Variants in TRIOBP observed in about 807,000 individuals in gnomAD.
TRIOBP encodes the protein TRIO and F-actin-binding protein.
Under a neutral mutation model 238.8 loss-of-function variants are expected in TRIOBP, and 169 were observed. The ratio of observed to expected loss-of-function variants is 0.71; its 90% confidence interval spans 0.62 to 0.80. The LOEUF (loss-of-function observed/expected upper bound fraction) is 0.80, where lower values mean the gene tolerates loss of function less well. Among genes scored for constraint, TRIOBP ranks in the 30% least tolerant of loss-of-function variants. The pLI is 0.00. For synonymous variants in TRIOBP, 1,150 were observed against 1,274.4 expected, an observed-to-expected ratio of 0.90 and a Z score of 2.08; for missense variants, 2,838 against 3,122.6, an observed-to-expected ratio of 0.91 and a Z score of 2.17.
chr22:37,726,446 GC>G lies in TRIOBP; in HGVS notation c.3892del (p.Arg1298AlafsTer58). The G allele has an allele frequency of 1.3e-6, 2 of 1,572,290 alleles. No homozygotes were observed. The highest frequency in any genetic ancestry group is 2.3e-5 in the East Asian group (1 of 43,538). On this transcript the variant is annotated frameshift_variant, in exon 7 of 24. Coordinates refer to ENST00000644935, the MANE Select transcript of TRIOBP (RefSeq NM_001039141.3). LOFTEE classifies it high-confidence loss of function. ...PGPQAQCSSG[G>X]RTHSPGRAEV... ...CCCCAGGCGCAGTGCAGCAGCGGGG[GC>G]CGCACCCACAGCCCTGGCCGTGCAG...
intron 4 of TRIOBP, among the ~76,000 whole-genome samples, chr22:37,711,709 T>C (rs181370555): frequency 1.3e-5 from 2 of 152,262 alleles, no homozygotes; most frequent in Admixed American, 6.5e-5. Context: ...ATAGCTTTCC[T>C]GCAGGACTTG....
intron 5 of TRIOBP, among the ~76,000 whole-genome samples, chr22:37,713,813 T>TTTCCAAGA (rs1435084621): frequency 6.6e-6 from 1 of 152,106 alleles, no homozygotes; most frequent in Non-Finnish European, 1.5e-5. Context: ...CTGGAATAGA[T>TTTCCAAGA]TTCCAAGAGA....
rs747279428 is a variant in TRIOBP, at chr22:37,723,632, C to T, written c.1076C>T (p.Thr359Ile). The T allele has an allele frequency of 1.2e-6, 2 of 1,614,186 alleles. No homozygotes were observed. Among genetic ancestry groups the T allele is most frequent in the East Asian group, 2.2e-5 (1 of 44,890 alleles). The change falls in exon 7 of 24, where the codon ACC (threonine) becomes ATC (isoleucine). Residue 359 changes from threonine to isoleucine, a missense_variant. By Grantham distance (89) the Thr-to-Ile change is moderately conservative. Around this residue, in one of 5 missense-constraint regions of TRIOBP, gnomAD observed 535 missense variants for 537.3 expected, o/e 1.00. Coordinates refer to ENST00000644935, the MANE Select transcript of TRIOBP (RefSeq NM_001039141.3). ...TQLDNPRTSS[T>I]QQDNPQTSFP... ...CTGGATAACCCCAGAACCTCTTCTA[C>T]CCAGCAGGACAACCCCCAAACTTCT...
intron 3 of TRIOBP, among the ~76,000 whole-genome samples, chr22:37,709,405 T>C (rs1024262160): frequency 1.3e-5 from 2 of 152,218 alleles, no homozygotes; most frequent in African/African-American, 2.4e-5. Context: ...GAAACTGTAA[T>C]GAGGGGCCCC....
chr22:37,748,675 T>C (rs1360050540), intron 11 of TRIOBP, among the ~76,000 whole-genome samples: 1 of 152,100 alleles, frequency 6.6e-6, no homozygotes, highest in Non-Finnish European at 1.5e-5. Flanking sequence ...GTGAGTTGCA[T>C]CTAATCTAGC....
chr22:37,755,148 C>G lies in TRIOBP; in HGVS notation c.5535C>G (p.Val1845=), dbSNP rs754435247. The change falls in exon 14 of 24, where the codon GTC becomes GTG. Residue 1845 remains valine (V), a synonymous_variant. Transcript: ENST00000644935. ...GEIDLRSCTD[V]TEYAVQRNYG... ...TCGACCTGCGTTCCTGCACGGATGT[C>G]ACTGAGTACGCGGTGCAGCGCAACT... 30 of 1,613,628 alleles carry G rather than the reference C, an allele frequency of 1.9e-5. No homozygotes were observed. In the African/African-American group the frequency reaches 3.2e-4, roughly 17 times the overall value.
intron 17 of TRIOBP, 45 bp downstream of exon 17, chr22:37,759,309 G>A: frequency 1.3e-6 from 2 of 1,582,678 alleles, no homozygotes; most frequent in Middle Eastern, 1.7e-4. Flanking sequence ...GCAGATTTCT[G>A]CTTGCCGTGT....
rs755617039 is a variant in TRIOBP, at chr22:37,713,372, C to T, written c.417C>T (p.Asp139=). 14 of 1,613,872 alleles carry T rather than the reference C, an allele frequency of 8.7e-6. 1 individual carries two copies. In the South Asian group the frequency reaches 1.4e-4, roughly 16 times the overall value. ...GCTCTGACCCCACCTCCAGCCCTGA[C>T]TCCGCCACCCCTGATGATACCAGCA... The part of the protein sequence containing the change: ...DPGSDPTSSP[D]SATPDDTSNS... The change falls in exon 5 of 24, where the codon GAC becomes GAT. Residue 139 remains aspartate (D), a synonymous_variant. Coordinates refer to ENST00000644935, the MANE Select transcript of TRIOBP (RefSeq NM_001039141.3).
At chr22:37,771,828 C>A in intron 22 of TRIOBP, 92 bp downstream of exon 22, 1 of 1,120,400 alleles carries the variant, frequency 8.9e-7, no homozygotes, top group Non-Finnish European at 1.3e-6. Context: ...AAGCCCTCCA[C>A]TCGCTTCATC....
chr22:37,749,526 A>T (rs1311487705), intron 11 of TRIOBP, among the ~76,000 whole-genome samples: 1 of 152,128 alleles, frequency 6.6e-6, no homozygotes, highest in Non-Finnish European at 1.5e-5. Flanking sequence ...GGAAGGAGAA[A>T]CTGAGCTTCT....
At chr22:37,772,846 C>A in intron 23 of TRIOBP, 82 bp downstream of exon 23, 2 of 1,529,558 alleles carry the variant, frequency 1.3e-6, no homozygotes, top group Non-Finnish European at 1.8e-6. Flanking sequence ...CCACCCCAGC[C>A]AGGCCACTTC....
chr22:37,720,228 C>T (rs1404882544), intron 6 of TRIOBP, among the ~76,000 whole-genome samples: 1 of 151,880 alleles, frequency 6.6e-6, no homozygotes, highest in East Asian at 1.9e-4. Context: ...AGGCTGGTCT[C>T]GAACTCCCGA....
At chr22:37,745,889 G>T (rs957396109) in intron 11 of TRIOBP, among the ~76,000 whole-genome samples, 3 of 152,104 alleles carry the variant, frequency 2.0e-5, no homozygotes, top group Non-Finnish European at 4.4e-5. Context: ...TGGGCGAGTC[G>T]TGCCCACGCC....
intron 5 of TRIOBP, among the ~76,000 whole-genome samples, chr22:37,714,849 T>G (rs1923434576): frequency 6.6e-6 from 1 of 151,666 alleles, no homozygotes; most frequent in South Asian, 2.1e-4. Flanking sequence ...GTTATTATTA[T>G]TTTTTTTAAT....
chr22:37,724,955 A>G lies in TRIOBP; in HGVS notation c.2399A>G (p.Asn800Ser), dbSNP rs770316134. 3.1e-6 allele frequency: 5 copies of G among 1,613,788 alleles called. No individual in the cohort carries two copies. In the South Asian group the frequency reaches 4.4e-5, roughly 14 times the overall value. Residue 800 changes from asparagine to serine, a missense_variant, in exon 7 of 24, where the codon AAT becomes AGT. By Grantham distance (46) the Asn-to-Ser change is conservative. Around this residue, in one of 5 missense-constraint regions of TRIOBP, gnomAD observed 2,096 missense variants for 2,137.4 expected, o/e 0.98. Transcript: ENST00000644935. ...NPRTSCAQRDNLRASSPIRAT... is the reference protein window; with the variant it reads ...NPRTSCAQRDSLRASSPIRAT... Reference sequence around the variant, plus strand: ...AGAACATCCTGTGCCCAGCGGGACAATCTCAGAGCCTCCTCTCCCATCAGA... The same window carrying G: ...AGAACATCCTGTGCCCAGCGGGACAGTCTCAGAGCCTCCTCTCCCATCAGA...
chr22:37,732,778 G>A (rs1222466663), intron 7 of TRIOBP, among the ~76,000 whole-genome samples: 2 of 152,214 alleles, frequency 1.3e-5, no homozygotes, highest in African/African-American at 2.4e-5. Context: ...TGGCTCTGTC[G>A]TCCCACCTCG....
intron 4 of TRIOBP, among the ~76,000 whole-genome samples, chr22:37,712,016 T>G (rs1307487353): frequency 2.0e-5 from 3 of 152,130 alleles, no homozygotes; most frequent in Non-Finnish European, 4.4e-5. Flanking sequence ...TGAGTCTGTC[T>G]TCTTAGACTT....
chr22:37,765,716 A>G lies in TRIOBP; in HGVS notation c.6371A>G (p.Gln2124Arg). 1.3e-6 allele frequency: 2 copies of G among 1,558,816 alleles called. No homozygotes were observed. Among genetic ancestry groups the G allele is most frequent in the Non-Finnish European group, 1.7e-6 (2 of 1,152,434 alleles). Residue 2124 changes from glutamine to arginine, a missense_variant, in exon 18 of 24, where the codon CAG (glutamine) becomes CGG (arginine). Physicochemically the swap from Gln to Arg is conservative, Grantham distance 43. Around this residue, in one of 5 missense-constraint regions of TRIOBP, gnomAD observed 2,096 missense variants for 2,137.4 expected, o/e 0.98. Transcript: ENST00000644935. Reference protein sequence around the residue: ...SLAEMESSHQQVMEELQRHHE... With the variant: ...SLAEMESSHQRVMEELQRHHE... ...GCAGAGATGGAGTCCTCGCACCAGC[A>G]GGTGATGGAGGAGCTGCAGCGGCAC...
chr22:37,713,560 A>G, intron 5 of TRIOBP, 149 bp downstream of exon 5: 1 of 952,232 alleles, frequency 1.1e-6, no homozygotes. Context: ...AGCTCGGGCC[A>G]CCCCGGCGAA....
Sources: allele counts gnomAD v4.1 joint callset (sites outside exome capture counted in the v4.1 genomes callset), GRCh38; gene constraint gnomAD v4.1.1; regional missense constraint gnomAD v4.1.1; transcripts MANE v1.5; gene names NCBI Gene and HGNC (gene_info 2026-07-23, HGNC 2026-07-21).